The following RBFOX1 variants were observed in gnomAD, a reference collection of about 807,000 sequenced individuals.
The protein encoded by RBFOX1 is RNA binding protein fox-1 homolog 1.
RBFOX1 carries 8 observed loss-of-function variants against 57.7 expected under a neutral mutation model. The observed-to-expected ratio is 0.14, with a 90% CI of 0.08 to 0.25. The LOEUF (loss-of-function observed/expected upper bound fraction) is 0.25. Ranked by LOEUF, RBFOX1 falls within the 10% of genes least tolerant of loss-of-function variation. The pLI, the probability that RBFOX1 is intolerant of heterozygous loss-of-function variation, is 1.00. For synonymous variants in RBFOX1, 326 were observed against 222.4 expected, an observed-to-expected ratio of 1.47 and a Z score of -4.15; for missense variants, 611 against 548.5, an observed-to-expected ratio of 1.11 and a Z score of -1.14.
chr16:6,974,090 C>T (rs1012309237), intron 3 of RBFOX1, among the ~76,000 whole-genome samples: 44 of 152,128 alleles, frequency 2.9e-4, no homozygotes, highest in South Asian at 6.2e-4. Flanking sequence ...ATCCATGTCC[C>T]TGCAAAGGAC....
intron 4 of RBFOX1, among the ~76,000 whole-genome samples, chr16:7,502,708 TATA>T (rs1216678733): frequency 1.3e-5 from 2 of 152,212 alleles, no homozygotes; most frequent in Non-Finnish European, 2.9e-5. Context: ...TAGAAAACTT[TATA>T]ATGTGTTATA....
intron 3 of RBFOX1, among the ~76,000 whole-genome samples, chr16:6,771,927 C>G (rs1466964231): frequency 6.6e-6 from 1 of 152,128 alleles, no homozygotes; most frequent in Non-Finnish European, 1.5e-5. Flanking sequence ...AAGAGGTTAT[C>G]TCCTACTCTG....
chr16:6,581,181 C>G (rs1293613952), intron 2 of RBFOX1, among the ~76,000 whole-genome samples: 1 of 152,136 alleles, frequency 6.6e-6, no homozygotes, highest in African/African-American at 2.4e-5. Context: ...ACGCCCACCC[C>G]TAATGAAGCA....
At chr16:5,571,509 C>T (rs2046284012) in intron 2 of RBFOX1, among the ~76,000 whole-genome samples, 1 of 152,096 alleles carries the variant, frequency 6.6e-6, no homozygotes, top group Non-Finnish European at 1.5e-5. Flanking sequence ...AGGGTCGTGG[C>T]CAACTCAGCA....
chr16:6,209,076 T>C, intron 1 of RBFOX1, among the ~76,000 whole-genome samples: 1 of 152,154 alleles, frequency 6.6e-6, no homozygotes, highest in East Asian at 1.9e-4. Context: ...TTTGCACTGT[T>C]TTGAGAAGAG....
Position 7,218,639 on chromosome 16 carries a change from T to C in RBFOX1, c.27+166541T>C, listed in dbSNP as rs916117468. ...TTTGTGGGGGTTTGCTGTGTGTGTG[T>C]GTGTGTGTGTGTGTGTGTGTGTGTG... On this transcript the variant is annotated intron_variant, in intron 4 of 15. Transcript: ENST00000550418. Among the ~76,000 whole-genome samples the C allele has an allele frequency of 5.2e-3, 649 of 125,436 alleles. 9 individuals carry two copies. The highest frequency in any genetic ancestry group is 0.019 in the African/African-American group (631 of 33,226). 82.3% of individuals were successfully genotyped at this position (125,436 alleles called of 152,430 possible). A position where few individuals can be genotyped will look rare whatever the true frequency, so the allele number is the denominator to read the frequency against.
chr16:5,860,335 A>G (rs2057181240), intron 3 of RBFOX1, among the ~76,000 whole-genome samples: 1 of 152,094 alleles, frequency 6.6e-6, no homozygotes, highest in Non-Finnish European at 1.5e-5. Flanking sequence ...TCCACCTCCC[A>G]AAGTGCTGGG....
At chr16:7,143,458 A>T (rs2074266829) in intron 4 of RBFOX1, among the ~76,000 whole-genome samples, 1 of 152,044 alleles carries the variant, frequency 6.6e-6, no homozygotes, top group African/African-American at 2.4e-5. Context: ...GTAATTTAGA[A>T]TCTGTCTGGA....
chr16:5,594,774 T>G (rs1425059364), intron 2 of RBFOX1, among the ~76,000 whole-genome samples: 1 of 152,092 alleles, frequency 6.6e-6, no homozygotes, highest in African/African-American at 2.4e-5. Flanking sequence ...TCCCTTTAGC[T>G]TAGTGATTCA....
At chr16:7,086,471 T>C (rs1011475121) in intron 4 of RBFOX1, among the ~76,000 whole-genome samples, 11 of 152,176 alleles carry the variant, frequency 7.2e-5, no homozygotes, top group African/African-American at 2.7e-4. Context: ...CCCCATCCTC[T>C]CATTCATGAT....
intron 2 of RBFOX1, among the ~76,000 whole-genome samples, chr16:6,366,372 G>T (rs556548909): frequency 3.4e-4 from 52 of 152,110 alleles, no homozygotes; most frequent in African/African-American, 1.2e-3. Flanking sequence ...TGTGAATATT[G>T]TAATAAAAAT....
rs137920447 is a variant in RBFOX1 at position 5,744,748 on chromosome 16, A to G, written c.319-122555A>G. The stretch of plus-strand genomic sequence containing the variant: ...CTTGTGATTAAGTGACGTGATTGTG[A>G]AGAAATTGTGCTTTCTTTTTCTTTT... On this transcript the variant is annotated intron_variant, in intron 3 of 19. Transcript: ENST00000641259. Among the ~76,000 whole-genome samples the G allele has an allele frequency of 2.0e-5, 3 of 152,206 alleles. No individual in the cohort carries two copies. In the East Asian group the frequency reaches 5.8e-4, roughly 29 times the overall value.
intron 4 of RBFOX1, among the ~76,000 whole-genome samples, chr16:5,929,857 A>T (rs872962): frequency 7.0e-6 from 1 of 143,594 alleles, no homozygotes; most frequent in Non-Finnish European, 1.5e-5. Flanking sequence ...GTACAAACAG[A>T]GTCTTCTGAG....
intron 1 of RBFOX1, among the ~76,000 whole-genome samples, chr16:5,362,311 C>T (rs1376493669): frequency 1.3e-5 from 2 of 152,116 alleles, no homozygotes; most frequent in South Asian, 2.1e-4. Context: ...TTGCCTCAGC[C>T]TCCCGAGTGT....
In RBFOX1 at chr16:6,290,227, A is replaced by G. The variant is rs931055588; in HGVS notation, c.-126-26768A>G. ...CAAAATAGATTGTTGTGAGCATAGCAGTGATGTCCGTGTGAATAACATGTG... is the reference window on the plus strand; with the variant it reads ...CAAAATAGATTGTTGTGAGCATAGCGGTGATGTCCGTGTGAATAACATGTG... On this transcript the variant is annotated intron_variant, in intron 1 of 15. Coordinates refer to ENST00000550418, the MANE Select transcript of RBFOX1 (RefSeq NM_018723.4). Among the ~76,000 whole-genome samples the G allele has an allele frequency of 1.3e-5, 2 of 148,780 alleles. 1 individual carries two copies. Among genetic ancestry groups the G allele is most frequent in the Non-Finnish European group, 3.0e-5 (2 of 66,816 alleles).
intron 1 of RBFOX1, among the ~76,000 whole-genome samples, chr16:6,155,430 A>T (rs1357881375): frequency 1.3e-5 from 2 of 152,190 alleles, no homozygotes; most frequent in Admixed American, 6.5e-5. Context: ...AGACCTCAAG[A>T]TGTACAGCGT....
At chr16:5,367,312 C>T (rs779034194) in intron 1 of RBFOX1, among the ~76,000 whole-genome samples, 2 of 152,222 alleles carry the variant, frequency 1.3e-5, no homozygotes, top group Non-Finnish European at 2.9e-5. Context: ...CGCTCTGCAA[C>T]TCCTGACCTG....
intron 2 of RBFOX1, among the ~76,000 whole-genome samples, chr16:6,599,681 A>G (rs2097825355): frequency 1.3e-5 from 2 of 152,154 alleles, no homozygotes; most frequent in African/African-American, 4.8e-5. Context: ...GTGCTTCAGA[A>G]CTGCTGCTGT....
intron 1 of RBFOX1, among the ~76,000 whole-genome samples, chr16:6,299,345 G>T (rs997278340): frequency 6.6e-6 from 1 of 152,200 alleles, no homozygotes; most frequent in Non-Finnish European, 1.5e-5. Context: ...TGAGCAGGCA[G>T]ATCTAATTCT....
Sources: allele counts gnomAD v4.1 joint callset (sites outside exome capture counted in the v4.1 genomes callset), GRCh38; gene constraint gnomAD v4.1.1; transcripts MANE v1.5; gene names NCBI Gene and HGNC (gene_info 2026-07-23, HGNC 2026-07-21).